LMO7: variants seen among roughly 807,000 people sequenced by gnomAD.
LMO7 encodes LIM domain only protein 7.
LMO7 carries 120 observed loss-of-function variants against 206.5 expected under a neutral mutation model. The ratio of observed to expected loss-of-function variants is 0.58; its 90% CI spans 0.50 to 0.68. The LOEUF (loss-of-function observed/expected upper bound fraction) is 0.68, where lower values mean the gene tolerates loss of function less well. Among genes scored for constraint, LMO7 ranks in the 30% least tolerant of loss-of-function variants. The pLI is 0.00. For missense variants in LMO7, 1,959 were observed against 1,957.9 expected, an observed-to-expected ratio of 1.00 and a Z score of -0.01; for synonymous variants, 706 against 681.5, an observed-to-expected ratio of 1.04 and a Z score of -0.56.
At chr13:75,764,160 TG>T (rs1190117828) in intron 4 of LMO7, among the ~76,000 whole-genome samples, 3 of 152,284 alleles carry the variant, frequency 2.0e-5, no homozygotes, top group African/African-American at 7.2e-5. Context: ...CCTGACTTAA[TG>T]GGTAGGATCC....
At chr13:75,686,635 T>C (rs1365261317) in intron 1 of LMO7, among the ~76,000 whole-genome samples, 1 of 150,384 alleles carries the variant, frequency 6.6e-6, no homozygotes, top group African/African-American at 2.5e-5. Context: ...TACAGAAGGG[T>C]CTAGGGAAAG....
chr13:75,814,813 G>A (rs1284422999), intron 11 of LMO7, among the ~76,000 whole-genome samples: 1 of 152,158 alleles, frequency 6.6e-6, no homozygotes, highest in African/African-American at 2.4e-5. Flanking sequence ...CAGATGCCTG[G>A]AAGTGAGAGA....
intron 2 of LMO7, among the ~76,000 whole-genome samples, chr13:75,721,595 T>C (rs1370091554): frequency 6.6e-6 from 1 of 152,196 alleles, no homozygotes; most frequent in African/African-American, 2.4e-5. Context: ...TTACTTCACT[T>C]AGAATTAATG....
intron 1 of LMO7, among the ~76,000 whole-genome samples, chr13:75,678,095 A>G (rs1483926105): frequency 6.6e-6 from 1 of 152,170 alleles, no homozygotes; most frequent in African/African-American, 2.4e-5. Context: ...TAGTGCCACA[A>G]TAAACATATG....
intron 3 of LMO7, among the ~76,000 whole-genome samples, chr13:75,737,852 A>AAC (rs1555305869): frequency 6.9e-6 from 1 of 145,612 alleles, no homozygotes; most frequent in African/African-American, 2.5e-5. Context: ...CAAAAAAAAA[A>AAC]AAAAAAAAAA....
At chr13:75,653,484 C>T (rs1419889390) in intron 1 of LMO7, among the ~76,000 whole-genome samples, 1 of 152,186 alleles carries the variant, frequency 6.6e-6, no homozygotes, top group East Asian at 1.9e-4. Context: ...AACCATACAG[C>T]ACCAAGACAG....
chr13:75,681,954 G>A (rs2040574678), intron 1 of LMO7, among the ~76,000 whole-genome samples: 1 of 151,766 alleles, frequency 6.6e-6, no homozygotes, highest in South Asian at 2.1e-4. Context: ...TTTTGAAGCT[G>A]TTATGAGCAT....
intron 4 of LMO7, among the ~76,000 whole-genome samples, chr13:75,775,437 CA>C (rs1410980869): frequency 1.3e-5 from 2 of 151,552 alleles, no homozygotes; most frequent in African/African-American, 4.8e-5. Context: ...GTAAACTCAA[CA>C]AAACAAAAAA....
chr13:75,680,986 G>A (rs1348324313), intron 1 of LMO7, among the ~76,000 whole-genome samples: 3 of 151,516 alleles, frequency 2.0e-5, no homozygotes, highest in African/African-American at 7.3e-5. Context: ...GTCTGTTCAT[G>A]TCCTTTGCCC....
At chr13:75,839,923 C>T in intron 20 of LMO7, 162 bp from the exon 21 acceptor site, 1 of 607,318 alleles carries the variant, frequency 1.6e-6, no homozygotes, top group Non-Finnish European at 2.8e-6. Context: ...ACTGTTACAC[C>T]TGGAGAAAAA....
At chr13:75,718,448 T>A (rs1406328718) in intron 2 of LMO7, among the ~76,000 whole-genome samples, 3 of 152,198 alleles carry the variant, frequency 2.0e-5, no homozygotes, top group Admixed American at 2.0e-4. Flanking sequence ...TCCGTTAGAT[T>A]CCTTTTGCTT....
At chr13:75,645,915 A>G (rs1000328462) in intron 1 of LMO7, among the ~76,000 whole-genome samples, 49 of 152,304 alleles carry the variant, frequency 3.2e-4, no homozygotes, top group African/African-American at 1.1e-3. Flanking sequence ...AGATGTTATC[A>G]AGTTCATATA....
chr13:75,825,633 A>G (rs553025522), intron 15 of LMO7, among the ~76,000 whole-genome samples: 1 of 152,264 alleles, frequency 6.6e-6, no homozygotes, highest in African/African-American at 2.4e-5. Flanking sequence ...ATGTGGATAT[A>G]ATTCATGTGG....
At chr13:75,776,914 T>TA (rs1319154162) in intron 4 of LMO7, among the ~76,000 whole-genome samples, 1 of 152,186 alleles carries the variant, frequency 6.6e-6, no homozygotes, top group Admixed American at 6.5e-5. Context: ...AAATGTTCCT[T>TA]TGTTAAGAGG....
At chr13:75,707,008 TAAG>T (rs1218451601) in intron 1 of LMO7, among the ~76,000 whole-genome samples, 3 of 151,910 alleles carry the variant, frequency 2.0e-5, no homozygotes, top group African/African-American at 7.2e-5. Context: ...GCATAGATAA[TAAG>T]AAAAATTACC....
intron 1 of LMO7, among the ~76,000 whole-genome samples, chr13:75,690,563 A>G (rs887319590): frequency 6.6e-6 from 1 of 152,234 alleles, no homozygotes; most frequent in Non-Finnish European, 1.5e-5. Context: ...TTTTTCCTGC[A>G]AGGGACAAGA....
At chr13:75,744,880 C>G (rs895287888) in intron 3 of LMO7, among the ~76,000 whole-genome samples, 10 of 152,100 alleles carry the variant, frequency 6.6e-5, no homozygotes, top group African/African-American at 2.4e-4. Flanking sequence ...ACACAGTGCT[C>G]TAAAGCAACA....
rs756696553 is a variant in LMO7, at chr13:75,727,077, G to A, written c.189G>A (p.Leu63=). 6.3e-7 allele frequency: 1 copy of A among 1,586,392 alleles called. No homozygotes were observed. Among genetic ancestry groups the A allele is most frequent in the Non-Finnish European group, 8.6e-7 (1 of 1,156,460 alleles). The change falls in exon 3 of 31, where the codon CTG becomes CTA. Residue 63 remains leucine, a synonymous_variant. Transcript: ENST00000377534. The part of the protein sequence containing the change: ...KPGVIKKINR[L]STPIAGLDNI... ...GCGTCATTAAGAAGATCAATAGACT[G>A]TCTACACCAATAGCAGGATTGGTAA... is the stretch of plus-strand genomic sequence containing the variant.
At chr13:75,767,387 C>T (rs1376077201) in intron 4 of LMO7, among the ~76,000 whole-genome samples, 1 of 151,850 alleles carries the variant, frequency 6.6e-6, no homozygotes, top group East Asian at 1.9e-4. Flanking sequence ...AGCTCAAGGG[C>T]AAAGAATAGA....
Sources: allele counts gnomAD v4.1 joint callset (sites outside exome capture counted in the v4.1 genomes callset), GRCh38; gene constraint gnomAD v4.1.1; transcripts MANE v1.5; gene names NCBI Gene and HGNC (gene_info 2026-07-23, HGNC 2026-07-21).